MTA3: variants seen among roughly 807,000 people sequenced by gnomAD.
MTA3 encodes the protein metastasis associated 1 family member 3, also known as metastasis-associated protein MTA3.
In MTA3, 34 loss-of-function variants were observed where a neutral mutation model predicts 83.5. The observed-to-expected ratio is 0.41, with a 90% CI of 0.31 to 0.54. The LOEUF (loss-of-function observed/expected upper bound fraction) is 0.54, where lower values mean the gene tolerates loss of function less well. Among genes scored for constraint, MTA3 ranks in the 20% least tolerant of loss-of-function variants. The probability of loss-of-function intolerance (pLI) is 0.33; values close to 1 mark genes in which losing one functional copy is unlikely to be tolerated. For synonymous variants in MTA3, 303 were observed against 252.7 expected, an observed-to-expected ratio of 1.20 and a Z score of -1.89; for missense variants, 761 against 726.4, an observed-to-expected ratio of 1.05 and a Z score of -0.55.
intron 8 of MTA3, among the ~76,000 whole-genome samples, chr2:42,666,628 T>C (rs1166142605): frequency 6.6e-6 from 1 of 152,232 alleles, no homozygotes; most frequent in Non-Finnish European, 1.5e-5. Context: ...TGCTTTGTGA[T>C]GTGCTTATGT....
At chr2:42,544,281 A>C (rs1676656564) in intron 2 of MTA3, among the ~76,000 whole-genome samples, 1 of 151,904 alleles carries the variant, frequency 6.6e-6, no homozygotes, top group Non-Finnish European at 1.5e-5. Context: ...CCTCGTCTCT[A>C]CTAAAAATAC....
At chr2:42,587,850 C>T (rs1228632724) in intron 3 of MTA3, among the ~76,000 whole-genome samples, 1 of 152,170 alleles carries the variant, frequency 6.6e-6, no homozygotes, top group Non-Finnish European at 1.5e-5. Flanking sequence ...GATCTGCCCA[C>T]CTTGGCCTCC....
intron 2 of MTA3, among the ~76,000 whole-genome samples, chr2:42,497,493 G>A (rs1165677874): frequency 6.6e-6 from 1 of 151,690 alleles, no homozygotes; most frequent in Non-Finnish European, 1.5e-5. Context: ...GCTGAGGCAC[G>A]AGAATCGCTT....
chr2:42,525,627 T>TTCC (rs1224256361), intron 2 of MTA3, among the ~76,000 whole-genome samples: 11,685 of 125,062 alleles, frequency 0.093, 592 homozygotes, highest in African/African-American at 0.14. Context: ...TCCTTCCTAC[T>TTCC]TTCTTTCTTT....
chr2:42,593,145 T>A (rs1681240090), intron 3 of MTA3, among the ~76,000 whole-genome samples: 1 of 146,216 alleles, frequency 6.8e-6, no homozygotes, highest in African/African-American at 2.6e-5. Flanking sequence ...AGAGCAAGGC[T>A]CTGTCTCAAA....
chr2:42,673,538 G>A (rs573375889), intron 8 of MTA3, among the ~76,000 whole-genome samples: 94 of 152,310 alleles, frequency 6.2e-4, no homozygotes, highest in African/African-American at 2.1e-3. Context: ...TCAGTTAGCT[G>A]TTGTCATAAT....
rs550929212 is a variant in MTA3 at position 42,686,541 on chromosome 2, C to G, written c.891+3952C>G. Among the ~76,000 whole-genome samples the G allele has an allele frequency of 1.6e-3, 248 of 150,926 alleles. 1 individual carries two copies. Among genetic ancestry groups the G allele is most frequent in the African/African-American group, 5.9e-3 (241 of 41,092 alleles). Reference sequence around the variant, plus strand: ...CCTCTTAAAAAAAAAAAAGAAAGAACAGTCTGGGCATGGTGGCTCATGCCT... The same window carrying G: ...CCTCTTAAAAAAAAAAAAGAAAGAAGAGTCTGGGCATGGTGGCTCATGCCT... On this transcript the variant is annotated intron_variant, in intron 9 of 16. Transcript: ENST00000405094.
intron 3 of MTA3, among the ~76,000 whole-genome samples, chr2:42,595,361 C>T (rs1167573987): frequency 2.6e-5 from 4 of 151,896 alleles, no homozygotes; most frequent in Admixed American, 1.3e-4. Flanking sequence ...CTGCCTGCCT[C>T]GGCCTCCCAA....
At position 42,568,720 on chromosome 2, in the gene MTA3, C is replaced by T. The variant is rs1188981999; in HGVS notation, c.-26C>T. 3 of 1,211,432 alleles carry T rather than the reference C, an allele frequency of 2.5e-6. No homozygotes were observed. In the South Asian group the frequency reaches 1.2e-4, roughly 50 times the overall value. 75.0% of individuals were successfully genotyped at this position (1,211,432 alleles called of 1,614,324 possible). ...CGGCGGCGGCGGGCGGGGCTCGGCT[C>T]GGGCTCCGCGGGCGGGCGGGCGGAC... is the stretch of plus-strand genomic sequence containing the variant. On this transcript the variant is annotated 5_prime_UTR_variant, in exon 1 of 17. Coordinates refer to ENST00000405094, the MANE Select transcript of MTA3 (RefSeq NM_001330442.2).
intron 16 of MTA3, among the ~76,000 whole-genome samples, chr2:42,733,951 A>G (rs1351030044): frequency 1.3e-5 from 2 of 152,228 alleles, no homozygotes; most frequent in Non-Finnish European, 1.5e-5. Flanking sequence ...GTGGCCTAAC[A>G]TATGGTCTGT....
chr2:42,724,168 T>A (rs1667630976), intron 16 of MTA3, among the ~76,000 whole-genome samples: 1 of 152,052 alleles, frequency 6.6e-6, no homozygotes, highest in Non-Finnish European at 1.5e-5. Flanking sequence ...CCACAACCTT[T>A]GGATTCAGGC....
At chr2:42,753,302 C>T in intron 16 of MTA3, 72 bp from the exon 17 acceptor site, 1 of 1,547,774 alleles carries the variant, frequency 6.5e-7, no homozygotes, top group East Asian at 2.4e-5. Context: ...AGGGGTGAGT[C>T]CATCCTCCCT....
intron 10 of MTA3, among the ~76,000 whole-genome samples, chr2:42,697,105 A>G (rs1693457034): frequency 6.6e-6 from 1 of 152,220 alleles, no homozygotes; most frequent in Admixed American, 6.5e-5. Context: ...ATTTTTGGAC[A>G]TCAACCATAT....
At chr2:42,752,832 G>T (rs770874683) in intron 16 of MTA3, among the ~76,000 whole-genome samples, 1 of 151,962 alleles carries the variant, frequency 6.6e-6, no homozygotes, top group Non-Finnish European at 1.5e-5. Flanking sequence ...TCAAAACCCA[G>T]CTTTTAAGAT....
intron 2 of MTA3, among the ~76,000 whole-genome samples, chr2:42,554,569 T>G (rs973145028): frequency 2.6e-5 from 4 of 152,112 alleles, no homozygotes; most frequent in East Asian, 3.8e-4. Context: ...GGATAGTGAC[T>G]GCTGTTGAGA....
At chr2:42,508,376 G>C (rs1674733167) in intron 2 of MTA3, among the ~76,000 whole-genome samples, 1 of 152,054 alleles carries the variant, frequency 6.6e-6, no homozygotes, top group African/African-American at 2.4e-5. Context: ...TTGCCACCCA[G>C]GCTGGAGTGC....
chr2:42,743,267 C>T (rs887259748), intron 16 of MTA3, among the ~76,000 whole-genome samples: 4 of 152,206 alleles, frequency 2.6e-5, no homozygotes, highest in Non-Finnish European at 5.9e-5. Context: ...TTCCAATGAG[C>T]AGGGACAAGG....
Position 42,609,466 on chromosome 2 carries a change from G to A in MTA3, c.199G>A (p.Glu67Lys). 1.2e-6 allele frequency: 2 copies of A among 1,613,626 alleles called. No individual in the cohort carries two copies. Among genetic ancestry groups the A allele is most frequent in the Non-Finnish European group, 8.5e-7 (1 of 1,179,698 alleles). ...GAATTTTATTTGTGTAGAAGAAATT[G>A]AGGAAGAATCTGAAACAACAGTTGA... ...MLADKHAKEI[E>K]EESETTVEAD... The change falls in exon 4 of 17, where the codon GAG becomes AAG. Residue 67 changes from glutamate to lysine, a missense_variant. Coordinates refer to ENST00000405094, the MANE Select transcript of MTA3 (RefSeq NM_001330442.2).
Position 42,707,941 on chromosome 2 carries a change from A to G in MTA3, c.1189A>G (p.Asn397Asp), listed in dbSNP as rs753421648. The G allele has an allele frequency of 1.9e-6, 3 of 1,609,892 alleles. No individual in the cohort carries two copies. The highest frequency in any genetic ancestry group is 2.7e-5 in the African/African-American group (2 of 74,740). Residue 397 changes from asparagine to aspartate, a missense_variant, in exon 13 of 17, where the codon AAT becomes GAT. By Grantham distance (23) the Asn-to-Asp change is conservative (BLOSUM62 1). Coordinates refer to ENST00000405094, the MANE Select transcript of MTA3 (RefSeq NM_001330442.2). ...SHQWYSWGPP[N>D]MQCRLCAICW... ...CCAGTGGTATTCTTGGGGCCCACCT[A>G]ATATGCAGTGTAGATTATGTGCAAT...
Sources: gnomAD v4.1 joint callset for allele counts (sites outside exome capture counted in the v4.1 genomes callset) on GRCh38, gnomAD v4.1.1 for gene constraint, MANE v1.5 for transcripts, NCBI Gene and HGNC (gene_info 2026-07-23, HGNC 2026-07-21) for gene names.